RBFOX1: variants seen among roughly 807,000 people sequenced by gnomAD.
RBFOX1 encodes RNA binding protein fox-1 homolog 1.
Under a neutral mutation model 57.7 loss-of-function variants are expected in RBFOX1, and 8 were observed. The ratio of observed to expected loss-of-function variants is 0.14; its 90% CI spans 0.08 to 0.25. RBFOX1 has a LOEUF of 0.25. Ranked by LOEUF, RBFOX1 falls within the 10% of genes least tolerant of loss-of-function variation. The pLI, the probability that RBFOX1 is intolerant of heterozygous loss-of-function variation, is 1.00. For missense variants in RBFOX1, 611 were observed against 548.5 expected (o/e 1.11, Z -1.14); for synonymous variants, 326 against 222.4 (o/e 1.47, Z -4.15).
At chr16:7,247,022 G>C (rs949472591) in intron 4 of RBFOX1, among the ~76,000 whole-genome samples, 36 of 152,096 alleles carry the variant, frequency 2.4e-4, no homozygotes, top group African/African-American at 8.7e-4. Context: ...TAATTGGCAG[G>C]TAACAGTGAG....
chr16:5,854,564 C>A (rs923311981), intron 3 of RBFOX1, among the ~76,000 whole-genome samples: 3 of 141,938 alleles, frequency 2.1e-5, no homozygotes, highest in East Asian at 2.1e-4. Context: ...CTTACCCCCC[C>A]CACACACAAG....
chr16:6,707,449 A>G (rs917595343), intron 3 of RBFOX1, among the ~76,000 whole-genome samples: 1 of 150,078 alleles, frequency 6.7e-6, no homozygotes. Flanking sequence ...GGAAAATGCT[A>G]GTGAATATTT....
At chr16:7,060,880 C>T (rs147498149) in intron 4 of RBFOX1, among the ~76,000 whole-genome samples, 1 of 152,296 alleles carries the variant, frequency 6.6e-6, no homozygotes, top group Non-Finnish European at 1.5e-5. Flanking sequence ...TTTGCATTAA[C>T]TTTCCAAATG....
At chr16:6,033,197 A>C (rs2095315166) in intron 1 of RBFOX1, among the ~76,000 whole-genome samples, 1 of 152,236 alleles carries the variant, frequency 6.6e-6, no homozygotes, top group African/African-American at 2.4e-5. Context: ...GATTCACTCA[A>C]ATAATTAAAA....
At chr16:6,875,320 A>G (rs1056616173) in intron 3 of RBFOX1, among the ~76,000 whole-genome samples, 6 of 152,154 alleles carry the variant, frequency 3.9e-5, no homozygotes, top group South Asian at 2.1e-4. Flanking sequence ...TTTTAGAGAA[A>G]CATTTATATT....
chr16:7,425,725 G>T (rs975680091), intron 4 of RBFOX1, among the ~76,000 whole-genome samples: 1 of 152,158 alleles, frequency 6.6e-6, no homozygotes, highest in Non-Finnish European at 1.5e-5. Flanking sequence ...TTCTAGGGGG[G>T]ATAGAGACCC....
chr16:5,633,458 C>G (rs1259628736), intron 3 of RBFOX1, among the ~76,000 whole-genome samples: 1 of 152,208 alleles, frequency 6.6e-6, no homozygotes. Context: ...GGAGCAACGA[C>G]TCTCTACCCA....
intron 2 of RBFOX1, among the ~76,000 whole-genome samples, chr16:6,612,221 G>A (rs925671758): frequency 1.3e-5 from 2 of 152,090 alleles, no homozygotes; most frequent in African/African-American, 4.8e-5. Flanking sequence ...TTTATAGAGA[G>A]TCCTAGTATA....
At chr16:6,808,154 TTA>T (rs1360962030) in intron 3 of RBFOX1, among the ~76,000 whole-genome samples, 2 of 115,502 alleles carry the variant, frequency 1.7e-5, no homozygotes, top group Non-Finnish European at 3.5e-5. Flanking sequence ...ATATTATACC[TTA>T]TATATGTGTG....
intron 1 of RBFOX1, among the ~76,000 whole-genome samples, chr16:5,330,164 T>G (rs2064710085): frequency 6.6e-6 from 1 of 152,180 alleles, no homozygotes; most frequent in Non-Finnish European, 1.5e-5. Flanking sequence ...CTTTCTGGGT[T>G]GCAATTTCAA....
At chr16:5,775,285 C>T (rs532539088) in intron 3 of RBFOX1, among the ~76,000 whole-genome samples, 2 of 152,260 alleles carry the variant, frequency 1.3e-5, no homozygotes, top group African/African-American at 4.8e-5. Context: ...TCCCCCTTCT[C>T]ACCCCACACA....
At chr16:6,093,766 T>G (rs75683880) in intron 1 of RBFOX1, among the ~76,000 whole-genome samples, 5,928 of 151,618 alleles carry the variant, frequency 0.039, 283 homozygotes, top group East Asian at 0.17. Flanking sequence ...GGACCACAGG[T>G]GCATTCCAGC....
At chr16:6,268,727 G>A (rs767470537) in intron 1 of RBFOX1, among the ~76,000 whole-genome samples, 1 of 152,084 alleles carries the variant, frequency 6.6e-6, no homozygotes, top group South Asian at 2.1e-4. Flanking sequence ...ACAGTTCATC[G>A]AAGAAACACA....
intron 4 of RBFOX1, among the ~76,000 whole-genome samples, chr16:7,404,346 C>T (rs2098298666): frequency 6.6e-6 from 1 of 152,138 alleles, no homozygotes. Context: ...AGCCACCGTG[C>T]CCAGCCGACA....
In RBFOX1 at chr16:7,156,673, T is replaced by G. The variant is rs538462912; in HGVS notation, c.27+104575T>G. ...CACTACATTTAATTTTTAATAGTTT[T>G]AGTAGTTCTATAGTATTCCCTTCTA... On this transcript the variant is annotated intron_variant, in intron 4 of 15. Coordinates refer to ENST00000550418, the MANE Select transcript of RBFOX1 (RefSeq NM_018723.4). Among the ~76,000 whole-genome samples, 23 of 152,316 alleles carry G rather than the reference T, an allele frequency of 1.5e-4. No homozygotes were observed. In the South Asian group the frequency reaches 4.8e-3, roughly 32 times the overall value.
intron 3 of RBFOX1, among the ~76,000 whole-genome samples, chr16:6,694,918 A>G (rs2060793121): frequency 6.6e-6 from 1 of 150,938 alleles, no homozygotes; most frequent in South Asian, 2.1e-4. Context: ...CAGGACTAAC[A>G]CTTGTCAGAT....
In RBFOX1 at chr16:6,813,783, G is replaced by A. The variant is rs183590285; in HGVS notation, c.-16+159133G>A. ...ATGCCAATGGCAGCAGGCACCTGCAGAGATGCGGAGGATTCCTGAAGAATG... is the reference window on the plus strand; with the variant it reads ...ATGCCAATGGCAGCAGGCACCTGCAAAGATGCGGAGGATTCCTGAAGAATG... On this transcript the variant is annotated intron_variant, in intron 3 of 15. Coordinates refer to ENST00000550418, the MANE Select transcript of RBFOX1 (RefSeq NM_018723.4). 2.0e-3 allele frequency among the ~76,000 whole-genome samples: 300 copies of A among 152,316 alleles called. 1 individual carries two copies. Among genetic ancestry groups the A allele is most frequent in the Non-Finnish European group, 2.7e-3 (181 of 68,032 alleles).
At chr16:7,464,825 T>G (rs1303494175) in intron 4 of RBFOX1, among the ~76,000 whole-genome samples, 1 of 150,460 alleles carries the variant, frequency 6.6e-6, no homozygotes, top group Admixed American at 6.7e-5. Context: ...GCCTCCCGAG[T>G]AGCTGGGACT....
At chr16:6,694,188 C>A (rs145429565) in intron 3 of RBFOX1, among the ~76,000 whole-genome samples, 1 of 152,154 alleles carries the variant, frequency 6.6e-6, no homozygotes, top group African/African-American at 2.4e-5. Flanking sequence ...TAAATAATCC[C>A]TTTAGGGCAA....
Sources: allele counts gnomAD v4.1 joint callset (sites outside exome capture counted in the v4.1 genomes callset), GRCh38; gene constraint gnomAD v4.1.1; transcripts MANE v1.5; gene names NCBI Gene and HGNC (gene_info 2026-07-23, HGNC 2026-07-21).